FGGY: variants seen among roughly 807,000 people sequenced by gnomAD.
FGGY encodes the protein FGGY carbohydrate kinase domain-containing protein.
In FGGY, 72 loss-of-function variants were observed where a neutral mutation model predicts 71.3. The ratio of observed to expected loss-of-function variants is 1.01; its 90% CI spans 0.84 to 1.23. FGGY has a LOEUF of 1.23. Among genes scored for constraint, FGGY ranks in the 50% most tolerant of loss-of-function variants. FGGY has a pLI of 0.00. For synonymous variants in FGGY, 251 were observed against 250.3 expected, an observed-to-expected ratio of 1.00 and a Z score of -0.02; for missense variants, 668 against 682.3, an observed-to-expected ratio of 0.98 and a Z score of 0.23.
intron 5 of FGGY, among the ~76,000 whole-genome samples, chr1:59,449,020 A>G (rs1331844266): frequency 6.6e-6 from 1 of 152,210 alleles, no homozygotes; most frequent in Non-Finnish European, 1.5e-5. Context: ...ACATTCTGTC[A>G]TGAATCCTTG....
intron 3 of FGGY, among the ~76,000 whole-genome samples, chr1:59,343,255 A>G (rs960609765): frequency 6.6e-6 from 1 of 152,196 alleles, no homozygotes; most frequent in Non-Finnish European, 1.5e-5. Context: ...GAATATATGG[A>G]TGAATAATCT....
At chr1:59,728,492 C>T (rs1021139415) in intron 14 of FGGY, among the ~76,000 whole-genome samples, 1 of 151,830 alleles carries the variant, frequency 6.6e-6, no homozygotes, top group Non-Finnish European at 1.5e-5. Context: ...TTCTCTGATG[C>T]TTTTCTTTTA....
At chr1:59,667,523 TC>T in intron 13 of FGGY, 120 bp downstream of exon 13, 1 of 1,242,152 alleles carries the variant, frequency 8.1e-7, no homozygotes, top group Non-Finnish European at 1.1e-6. Flanking sequence ...ATTAGAATAA[TC>T]CTGAAGTCTT....
At chr1:59,539,587 T>C (rs1367059517) in intron 7 of FGGY, among the ~76,000 whole-genome samples, 4 of 152,166 alleles carry the variant, frequency 2.6e-5, no homozygotes, top group Non-Finnish European at 5.9e-5. Flanking sequence ...CTTCTCCTTA[T>C]ACTATGCATA....
At chr1:59,621,025 T>G (rs2096801321) in intron 9 of FGGY, among the ~76,000 whole-genome samples, 1 of 152,116 alleles carries the variant, frequency 6.6e-6, no homozygotes, top group Non-Finnish European at 1.5e-5. Context: ...TGCTGGCAAA[T>G]GCAGTTTCTG....
intron 14 of FGGY, among the ~76,000 whole-genome samples, chr1:59,711,587 G>C (rs1002131976): frequency 3.5e-4 from 54 of 152,180 alleles, no homozygotes; most frequent in Non-Finnish European, 1.3e-4. Context: ...CCCGAGATTG[G>C]GCAATTTACA....
At chr1:59,619,902 G>A (rs1056017554) in intron 9 of FGGY, among the ~76,000 whole-genome samples, 1 of 152,020 alleles carries the variant, frequency 6.6e-6, no homozygotes, top group African/African-American at 2.4e-5. Flanking sequence ...TGATGGCATG[G>A]AGCTGGTAAA....
At chr1:59,456,157 A>G (rs1368019539) in intron 5 of FGGY, among the ~76,000 whole-genome samples, 1 of 152,094 alleles carries the variant, frequency 6.6e-6, no homozygotes, top group Non-Finnish European at 1.5e-5. Flanking sequence ...CCCATGACCA[A>G]TCTTGCCCTT....
At chr1:59,351,494 A>G (rs553384468) in intron 4 of FGGY, among the ~76,000 whole-genome samples, 1 of 152,142 alleles carries the variant, frequency 6.6e-6, no homozygotes. Context: ...TTTTGTGGTG[A>G]TTTATATAAT....
At chr1:59,642,766 T>G (rs1033424654) in intron 11 of FGGY, among the ~76,000 whole-genome samples, 2 of 151,730 alleles carry the variant, frequency 1.3e-5, no homozygotes, top group Non-Finnish European at 2.9e-5. Context: ...ACGCGGTGGC[T>G]CACACCTGTA....
chr1:59,319,250 T>C (rs888030288), intron 1 of FGGY, among the ~76,000 whole-genome samples: 1 of 152,228 alleles, frequency 6.6e-6, no homozygotes, highest in Non-Finnish European at 1.5e-5. Flanking sequence ...TAAAATGTGG[T>C]TGTAAAATGA....
intron 14 of FGGY, among the ~76,000 whole-genome samples, chr1:59,717,350 G>A (rs1481658846): frequency 1.3e-5 from 2 of 152,082 alleles, no homozygotes; most frequent in African/African-American, 4.8e-5. Context: ...GGACTCAGAT[G>A]GAAAGTGCCA....
intron 8 of FGGY, among the ~76,000 whole-genome samples, chr1:59,603,149 C>T (rs1052530716): frequency 4.6e-5 from 7 of 152,138 alleles, no homozygotes; most frequent in Non-Finnish European, 1.0e-4. Flanking sequence ...GAGAATATTG[C>T]CAATACCTTT....
intron 7 of FGGY, chr1:59,553,889 A>G: frequency 2.6e-6 from 1 of 379,126 alleles, no homozygotes; most frequent in Non-Finnish European, 4.7e-6. Context: ...CCATTATTAT[A>G]ACGTTGGGTG....
intron 8 of FGGY, among the ~76,000 whole-genome samples, chr1:59,557,852 TG>T (rs1428475395): frequency 6.6e-6 from 1 of 151,756 alleles, no homozygotes; most frequent in Admixed American, 6.6e-5. Context: ...GACAGGACCC[TG>T]GGGGGGTCGG....
intron 5 of FGGY, among the ~76,000 whole-genome samples, chr1:59,418,067 C>T (rs2064781659): frequency 6.6e-6 from 1 of 152,028 alleles, no homozygotes; most frequent in Non-Finnish European, 1.5e-5. Context: ...TTTTGTTAAG[C>T]TAAGGAAGGA....
At chr1:59,528,522 A>G (rs2095054260) in intron 7 of FGGY, among the ~76,000 whole-genome samples, 1 of 152,230 alleles carries the variant, frequency 6.6e-6, no homozygotes, top group African/African-American at 2.4e-5. Flanking sequence ...TAAAACCTGA[A>G]GACATGGGGC....
At chr1:59,498,676 C>T (rs759779596) in intron 6 of FGGY, among the ~76,000 whole-genome samples, 86 of 152,194 alleles carry the variant, frequency 5.7e-4, no homozygotes, top group Non-Finnish European at 3.1e-4. Context: ...ATGCTGCCAT[C>T]CTAGCACTTG....
At chr1:59,509,710 A>G (rs2094474164) in intron 6 of FGGY, among the ~76,000 whole-genome samples, 1 of 152,162 alleles carries the variant, frequency 6.6e-6, no homozygotes, top group South Asian at 2.1e-4. Flanking sequence ...TTAGACCCAG[A>G]TCTCCTGTCT....
Sources: allele counts gnomAD v4.1 joint callset (sites outside exome capture counted in the v4.1 genomes callset), GRCh38; gene constraint gnomAD v4.1.1; transcripts MANE v1.5; gene names NCBI Gene and HGNC (gene_info 2026-07-23, HGNC 2026-07-21).